The following PLXNA4 variants were observed in gnomAD, a reference collection of about 807,000 sequenced individuals.
The protein encoded by PLXNA4 is plexin-A4.
PLXNA4 carries 44 observed loss-of-function variants against 191.8 expected under a neutral mutation model. The ratio of observed to expected loss-of-function variants is 0.23; its 90% CI spans 0.18 to 0.29. The LOEUF (loss-of-function observed/expected upper bound fraction) is 0.29. Among genes scored for constraint, PLXNA4 ranks in the 10% least tolerant of loss-of-function variants. The pLI, the probability that PLXNA4 is intolerant of heterozygous loss-of-function variation, is 1.00. For synonymous variants in PLXNA4, 1,082 were observed against 1,009.5 expected (o/e 1.07, Z -1.36); for missense variants, 1,800 against 2,488.8 (o/e 0.72, Z 5.89).
intron 3 of PLXNA4, among the ~76,000 whole-genome samples, chr7:132,450,346 G>C (rs1471697756): frequency 1.3e-5 from 2 of 152,212 alleles, no homozygotes; most frequent in Non-Finnish European, 2.9e-5. Flanking sequence ...CAAAATGGGA[G>C]GGAGTGCTCC....
intron 3 of PLXNA4, among the ~76,000 whole-genome samples, chr7:132,420,308 T>A (rs928382949): frequency 6.6e-6 from 1 of 152,252 alleles, no homozygotes. Context: ...TTTGCTTGTC[T>A]ACCCATGGGA....
At chr7:132,645,380 C>T (rs1007825753) in intron 2 of PLXNA4, among the ~76,000 whole-genome samples, 8 of 152,176 alleles carry the variant, frequency 5.3e-5, no homozygotes, top group Admixed American at 3.3e-4. Flanking sequence ...GACAGCTCCT[C>T]CTTCACGTGC....
chr7:132,187,762 C>A (rs545619135), intron 14 of PLXNA4, among the ~76,000 whole-genome samples, 155 bp from the exon 15 acceptor site: 1 of 152,112 alleles, frequency 6.6e-6, no homozygotes, highest in Non-Finnish European at 1.5e-5. Flanking sequence ...CTTAGGCTTG[C>A]GTGGATAGGC....
intron 3 of PLXNA4, among the ~76,000 whole-genome samples, chr7:132,370,523 T>G (rs1804393745): frequency 6.6e-6 from 1 of 152,246 alleles, no homozygotes; most frequent in Admixed American, 6.5e-5. Context: ...TGTATTTGGA[T>G]GCATACATAA....
At chr7:132,636,203 C>T (rs930285187) in intron 2 of PLXNA4, among the ~76,000 whole-genome samples, 14 of 152,196 alleles carry the variant, frequency 9.2e-5, no homozygotes, top group South Asian at 2.1e-4. Context: ...CCAAGCAAAC[C>T]GAAGATTTCA....
intron 21 of PLXNA4, among the ~76,000 whole-genome samples, chr7:132,170,897 G>A (rs1796265340): frequency 6.6e-6 from 1 of 152,204 alleles, no homozygotes; most frequent in South Asian, 2.1e-4. Flanking sequence ...AGACAAATGG[G>A]AACAGCTAGA....
chr7:132,240,954 A>G, intron 5 of PLXNA4, 112 bp downstream of exon 5: 1 of 654,172 alleles, frequency 1.5e-6, no homozygotes, highest in South Asian at 3.1e-5. Context: ...GAGCAAGAAT[A>G]GCTGAGGAGA....
At chr7:132,415,586 A>G (rs550300441) in intron 3 of PLXNA4, among the ~76,000 whole-genome samples, 1 of 152,304 alleles carries the variant, frequency 6.6e-6, no homozygotes, top group South Asian at 2.1e-4. Context: ...AGCCTGCAAA[A>G]CATAACTCTA....
rs781193030 is a variant in PLXNA4, at chr7:132,198,507, C to T, written c.2716G>A (p.Asp906Asn). The T allele has an allele frequency of 3.3e-5, 53 of 1,614,080 alleles. No homozygotes were observed. The highest frequency in any genetic ancestry group is 3.9e-5 in the Non-Finnish European group (46 of 1,180,030). ...VAGVECSPLV[D>N]GYIPAEQIVC... is the part of the protein sequence containing the mutation. ...TACTGTTCTGCAGGGATGTAACCAT[C>T]CACTAAAGGGCTGCACTCCACGCCA... is the stretch of plus-strand genomic sequence containing the variant. The change falls in exon 13 of 32, where the codon GAT (aspartate) becomes AAT (asparagine). Residue 906 changes from aspartate (D) to asparagine (N), a missense_variant. By Grantham distance (23) the Asp-to-Asn change is conservative. Transcript: ENST00000321063.
upstream of PLXNA4, among the ~76,000 whole-genome samples, chr7:132,579,524 T>G (rs1802362471): frequency 7.6e-6 from 1 of 131,168 alleles, no homozygotes; most frequent in South Asian, 2.5e-4. Context: ...GTCAAAGACC[T>G]TTTTTTTTTT....
intron 2 of PLXNA4, among the ~76,000 whole-genome samples, chr7:132,636,378 GGTTGGGA>G (rs1416563734): frequency 7.9e-5 from 12 of 152,196 alleles, no homozygotes; most frequent in African/African-American, 2.9e-4. Context: ...TAGCCACATG[GGTTGGGA>G]GATCCCCTGT....
At chr7:132,185,518 C>T in intron 15 of PLXNA4, 55 bp from the exon 16 acceptor site, 3 of 1,562,336 alleles carry the variant, frequency 1.9e-6, no homozygotes, top group East Asian at 2.3e-5. Flanking sequence ...GGACAGAGGT[C>T]CTGAGTCAAG....
chr7:132,234,109 G>A (rs1282543801), intron 5 of PLXNA4, among the ~76,000 whole-genome samples: 4 of 152,100 alleles, frequency 2.6e-5, no homozygotes. Flanking sequence ...GGAACGGCAG[G>A]AGAAGGGAAA....
At chr7:132,640,421 G>A (rs1563201594) in intron 2 of PLXNA4, among the ~76,000 whole-genome samples, 1 of 152,216 alleles carries the variant, frequency 6.6e-6, no homozygotes. Context: ...TTTGGAGATA[G>A]GGCCTTTGGG....
At chr7:132,172,354 T>A (rs1230927282) in intron 21 of PLXNA4, among the ~76,000 whole-genome samples, 1 of 152,190 alleles carries the variant, frequency 6.6e-6, no homozygotes, top group Admixed American at 6.5e-5. Context: ...GGAAGCACCT[T>A]TCTTGAAGGC....
At chr7:132,422,643 C>G (rs80344762) in intron 3 of PLXNA4, among the ~76,000 whole-genome samples, 1 of 152,170 alleles carries the variant, frequency 6.6e-6, no homozygotes, top group African/African-American at 2.4e-5. Flanking sequence ...AGCTAATTCA[C>G]GATGTGCTTA....
At chr7:132,586,640 C>T (rs563917190) in intron 2 of PLXNA4, among the ~76,000 whole-genome samples, 1 of 152,290 alleles carries the variant, frequency 6.6e-6, no homozygotes, top group East Asian at 1.9e-4. Context: ...GTAGTCCCAG[C>T]TACTCAAGAG....
At chr7:132,262,085 C>T (rs749168139) in intron 4 of PLXNA4, among the ~76,000 whole-genome samples, 4 of 152,210 alleles carry the variant, frequency 2.6e-5, no homozygotes, top group African/African-American at 4.8e-5. Flanking sequence ...GTACATTTCC[C>T]TTCCTTTCCC....
At chr7:132,580,200 T>A (rs754522391), upstream of PLXNA4, among the ~76,000 whole-genome samples, 4 of 152,186 alleles carry the variant, frequency 2.6e-5, no homozygotes, top group Non-Finnish European at 5.9e-5. Context: ...TATCTTTTTA[T>A]TTTTTTCAAA....
Sources: gnomAD v4.1 joint callset for allele counts (sites outside exome capture counted in the v4.1 genomes callset) on GRCh38, gnomAD v4.1.1 for gene constraint, MANE v1.5 for transcripts, NCBI Gene and HGNC (gene_info 2026-07-23, HGNC 2026-07-21) for gene names.